The following EYS variants were observed in gnomAD, a reference collection of about 807,000 sequenced individuals.
The protein encoded by EYS is protein eyes shut homolog.
A neutral mutation model predicts 282.1 loss-of-function variants in EYS; 250 were observed. That is an observed-to-expected ratio of 0.89 (90% CI 0.80 to 0.98). EYS has a LOEUF of 0.98. EYS is among the 50% of genes least tolerant of loss of function. The pLI is 0.00. For synonymous variants in EYS, 1,355 were observed against 1,282.9 expected (o/e 1.06, Z -1.20); for missense variants, 4,016 against 3,709.0 (o/e 1.08, Z -2.15).
intron 33 of EYS, among the ~76,000 whole-genome samples, chr6:64,050,078 A>G (rs1217979960): frequency 6.6e-6 from 1 of 152,132 alleles, no homozygotes; most frequent in Non-Finnish European, 1.5e-5. Context: ...AGATTTGGTA[A>G]CACTTTTTAA....
At chr6:65,104,930 AT>A (rs1302694193) in intron 12 of EYS, among the ~76,000 whole-genome samples, 2 of 151,650 alleles carry the variant, frequency 1.3e-5, no homozygotes. Context: ...TCACATACTA[AT>A]TTTGTGGAAG....
chr6:64,865,439 T>G (rs1766397991), intron 19 of EYS, among the ~76,000 whole-genome samples: 1 of 152,054 alleles, frequency 6.6e-6, no homozygotes, highest in Admixed American at 6.6e-5. Context: ...ACCCCAGGCA[T>G]AGAGGAGAAA....
At position 64,972,667 on chromosome 6, in the gene EYS, C is replaced by T. The variant is rs910732358; in HGVS notation, c.2259+24915G>A. Among the ~76,000 whole-genome samples the T allele has an allele frequency of 2.8e-4, 43 of 152,066 alleles. 1 individual carries two copies. The highest frequency in any genetic ancestry group is 4.4e-5 in the Non-Finnish European group (3 of 68,004). On this transcript the variant is annotated intron_variant, in intron 14 of 42. Transcript: ENST00000503581. ...ACTTTATTGTAAGAATAGAGTAATG[C>T]ATATAATATAGAAAACGTGTTAGTA...
chr6:64,686,767 G>A (rs74211077), intron 22 of EYS, among the ~76,000 whole-genome samples: 5,146 of 15,696 alleles, frequency 0.33, 374 homozygotes, highest in Middle Eastern at 0.5. Flanking sequence ...ATATATGTGT[G>A]TATATATATA....
At position 64,776,122 on chromosome 6, in the gene EYS, G is replaced by A. The variant is rs148833843; in HGVS notation, c.3443+37256C>T. 1.2e-3 allele frequency among the ~76,000 whole-genome samples: 177 copies of A among 152,172 alleles called. 1 individual carries two copies. The highest frequency in any genetic ancestry group is 4.1e-3 in the African/African-American group (171 of 41,540). On this transcript the variant is annotated intron_variant, in intron 22 of 42. Coordinates refer to ENST00000503581, the MANE Select transcript of EYS (RefSeq NM_001142800.2). ...TATCACACAAATCACTCAGCTGCCTGGGCTTAGAAAGAGAGCATTTGAAAG... is the reference window on the plus strand; with the variant it reads ...TATCACACAAATCACTCAGCTGCCTAGGCTTAGAAAGAGAGCATTTGAAAG...
rs112388321 is a variant in EYS, at chr6:64,085,340, G to GCGCGCA, written c.6425-3339_6425-3338insTGCGCG. Among the ~76,000 whole-genome samples the GCGCGCA allele has an allele frequency of 4.5e-3, 625 of 139,882 alleles. 1 individual carries two copies. The highest frequency in any genetic ancestry group is 0.017 in the African/African-American group (598 of 35,752). The allele number at this position is 139,882 out of a possible 152,430, so 91.8% of individuals were successfully genotyped here. On this transcript the variant is annotated intron_variant, in intron 31 of 42. Coordinates refer to ENST00000503581, the MANE Select transcript of EYS (RefSeq NM_001142800.2). Reference sequence around the variant, plus strand: ...CGCGCGCGCGTGCGCACGTGCGCGCGCACACACACACACACACACACACAC... The same window carrying GCGCGCA: ...CGCGCGCGCGTGCGCACGTGCGCGCGCGCGCACACACACACACACACACACACACAC...
intron 2 of EYS, among the ~76,000 whole-genome samples, chr6:65,518,209 G>A (rs1049577469): frequency 2.0e-5 from 3 of 152,020 alleles, no homozygotes; most frequent in Non-Finnish European, 4.4e-5. Flanking sequence ...TGAGTCCTTA[G>A]TTACTGTCCT....
intron 28 of EYS, among the ~76,000 whole-genome samples, chr6:64,410,684 TTCTG>T (rs1164514474): frequency 2.0e-5 from 3 of 152,236 alleles, no homozygotes; most frequent in South Asian, 2.1e-4. Flanking sequence ...ACATGAAAAA[TTCTG>T]TCTTTGTCTT....
chr6:64,707,275 A>G (rs559423927), intron 22 of EYS, among the ~76,000 whole-genome samples: 1 of 152,314 alleles, frequency 6.6e-6, no homozygotes, highest in South Asian at 2.1e-4. Flanking sequence ...CTTTTCACTC[A>G]TAAGTGGGAG....
intron 15 of EYS, among the ~76,000 whole-genome samples, chr6:64,919,297 A>G (rs975186104): frequency 6.6e-6 from 1 of 151,898 alleles, no homozygotes; most frequent in African/African-American, 2.4e-5. Context: ...TCAGCCTCTC[A>G]AGTAGCTGGG....
intron 31 of EYS, among the ~76,000 whole-genome samples, chr6:64,159,636 A>G (rs934990442): frequency 6.7e-6 from 1 of 150,194 alleles, no homozygotes; most frequent in African/African-American, 2.4e-5. Context: ...TCTCCTGAAT[A>G]TTTTCAATTC....
At position 65,020,250 on chromosome 6, in the gene EYS, A is replaced by T. The variant is rs545855904; in HGVS notation, c.2138-22547T>A. 2.6e-5 allele frequency among the ~76,000 whole-genome samples: 4 copies of T among 152,312 alleles called. No individual in the cohort carries two copies. The East Asian group carries it at 5.8e-4, about 22-fold the overall frequency. ...TCCAAAGTCTCATCTGAGACAAGGC[A>T]AGTCCCTTCTACCTATGAGCCTGTA... On this transcript the variant is annotated intron_variant, in intron 13 of 42. Coordinates refer to ENST00000503581, the MANE Select transcript of EYS (RefSeq NM_001142800.2).
At chr6:65,368,823 C>T (rs1435996068) in intron 8 of EYS, among the ~76,000 whole-genome samples, 1 of 151,502 alleles carries the variant, frequency 6.6e-6, no homozygotes, top group African/African-American at 2.4e-5. Flanking sequence ...GGATAAACTA[C>T]TCAATTAATG....
intron 2 of EYS, among the ~76,000 whole-genome samples, chr6:65,517,883 G>C (rs139103096): frequency 6.6e-6 from 1 of 151,996 alleles, no homozygotes; most frequent in Non-Finnish European, 1.5e-5. Flanking sequence ...CTCCAAACAC[G>C]TTCTATGTGT....
chr6:65,088,098 C>T (rs1473851262), intron 12 of EYS, among the ~76,000 whole-genome samples: 1 of 152,134 alleles, frequency 6.6e-6, no homozygotes, highest in Non-Finnish European at 1.5e-5. Context: ...AGGTCTCCTA[C>T]TAATCTGGAG....
intron 2 of EYS, among the ~76,000 whole-genome samples, chr6:65,580,806 A>T (rs1764839377): frequency 6.6e-6 from 1 of 152,078 alleles, no homozygotes; most frequent in Non-Finnish European, 1.5e-5. Flanking sequence ...TATAATGTTA[A>T]ATACTTCATC....
At chr6:64,985,097 A>G (rs1040121397) in intron 14 of EYS, among the ~76,000 whole-genome samples, 1 of 151,488 alleles carries the variant, frequency 6.6e-6, no homozygotes, top group Non-Finnish European at 1.5e-5. Flanking sequence ...GACAAGCCTT[A>G]TATGAATAGG....
intron 28 of EYS, among the ~76,000 whole-genome samples, chr6:64,404,975 ATTTAT>A (rs10659320): frequency 6.6e-6 from 1 of 151,948 alleles, no homozygotes; most frequent in Non-Finnish European, 1.5e-5. Flanking sequence ...TAACACTCTT[ATTTAT>A]TTTATTTTAT....
chr6:65,182,843 C>A (rs2150234616), intron 12 of EYS, among the ~76,000 whole-genome samples: 1 of 152,060 alleles, frequency 6.6e-6, no homozygotes, highest in East Asian at 2.0e-4. Flanking sequence ...GGCTGGAGTG[C>A]AGAGGCACAA....
Sources: gnomAD v4.1 joint callset for allele counts (sites outside exome capture counted in the v4.1 genomes callset) on GRCh38, gnomAD v4.1.1 for gene constraint, MANE v1.5 for transcripts, NCBI Gene and HGNC (gene_info 2026-07-23, HGNC 2026-07-21) for gene names.